Variants in RSRC2 observed in about 807,000 individuals in gnomAD.
RSRC2 encodes the protein arginine and serine rich coiled-coil 2, also known as arginine/serine-rich coiled-coil protein 2.
A neutral mutation model predicts 61.3 loss-of-function variants in RSRC2; 5 were observed. The observed-to-expected ratio is 0.08, with a 90% confidence interval of 0.04 to 0.17. The LOEUF (loss-of-function observed/expected upper bound fraction) is 0.17, where lower values mean the gene tolerates loss of function less well. RSRC2 is among the 10% of genes least tolerant of loss of function. The pLI is 1.00. For synonymous variants in RSRC2, 202 were observed against 166.5 expected (o/e 1.21, Z -1.64); for missense variants, 381 against 518.8 (o/e 0.73, Z 2.58).
chr12:122,507,195 A>C, intron 8 of RSRC2: 2 of 411,272 alleles, frequency 4.9e-6, no homozygotes, highest in Non-Finnish European at 8.9e-6. Flanking sequence ...CTGGATGACT[A>C]GGTGAAACCC....
Position 122,505,478 on chromosome 12 carries a change from A to G in RSRC2, c.*49T>C, listed in dbSNP as rs762849688. The stretch of plus-strand genomic sequence containing the variant: ...GCTGTTTGGTGAACAAGGACGTGAC[A>G]TCAGAACAAGAAGTCTATAAGTCCC... On this transcript the variant is annotated 3_prime_UTR_variant, in exon 10 of 10. Transcript: ENST00000331738. 1.9e-6 allele frequency: 3 copies of G among 1,555,018 alleles called. No individual in the cohort carries two copies. Among genetic ancestry groups the G allele is most frequent in the Non-Finnish European group, 1.8e-6 (2 of 1,134,504 alleles).
At chr12:122,506,051 G>T (rs1177949719) in intron 9 of RSRC2, among the ~76,000 whole-genome samples, 1 of 151,654 alleles carries the variant, frequency 6.6e-6, no homozygotes, top group South Asian at 2.1e-4. Context: ...GCCTCCCGAA[G>T]TGTTGGGATT....
intron 1 of RSRC2, among the ~76,000 whole-genome samples, chr12:122,525,340 C>T (rs2137571162): frequency 6.6e-6 from 1 of 152,224 alleles, no homozygotes; most frequent in South Asian, 2.1e-4. Context: ...CGCGCCATCG[C>T]ACTCCAGCCT....
At chr12:122,526,161 AGACTT>A (rs974946806) in intron 1 of RSRC2, 8 of 152,214 alleles carry the variant, frequency 5.3e-5, no homozygotes, top group African/African-American at 1.9e-4. Context: ...GTCAGTGACA[AGACTT>A]AACTGTAACG....
intron 7 of RSRC2, among the ~76,000 whole-genome samples, chr12:122,510,022 A>AT (rs1042141924): frequency 2.6e-5 from 4 of 152,098 alleles, no homozygotes; most frequent in African/African-American, 9.7e-5. Context: ...GGGTTTTGCC[A>AT]TGTTGGCCAG....
At chr12:122,517,645 T>C (rs1959039132) in intron 4 of RSRC2, among the ~76,000 whole-genome samples, 1 of 152,144 alleles carries the variant, frequency 6.6e-6, no homozygotes, top group Admixed American at 6.6e-5. Context: ...AGTAAACCTA[T>C]TAACATGTCA....
chr12:122,510,605 A>G (rs1288656979), intron 7 of RSRC2, among the ~76,000 whole-genome samples: 1 of 152,252 alleles, frequency 6.6e-6, no homozygotes, highest in Non-Finnish European at 1.5e-5. Flanking sequence ...AACAAAAATT[A>G]TCCACATGGA....
At chr12:122,519,288 T>C (rs1959150497) in intron 3 of RSRC2, 1 of 399,364 alleles carries the variant, frequency 2.5e-6, no homozygotes, top group East Asian at 4.8e-5. Flanking sequence ...GTTGAAATAT[T>C]GAAAAGCCAT....
chr12:122,526,892 G>A lies in RSRC2; in HGVS notation c.-39C>T. The A allele has an allele frequency of 1.9e-6, 3 of 1,613,734 alleles. No individual in the cohort carries two copies. Among genetic ancestry groups the A allele is most frequent in the Non-Finnish European group, 2.5e-6 (3 of 1,179,628 alleles). ...GGCCGCTAGAGCGGCGCCTCCACTT[G>A]TCGCTTTCAACAGTACCGGCCGCTC... On this transcript the variant is annotated 5_prime_UTR_variant, in exon 1 of 10. Transcript: ENST00000331738.
At chr12:122,510,580 C>G (rs995626834) in intron 7 of RSRC2, among the ~76,000 whole-genome samples, 12 of 152,164 alleles carry the variant, frequency 7.9e-5, no homozygotes, top group Admixed American at 1.3e-4. Flanking sequence ...CAAACATACT[C>G]ATTACTAATT....
At chr12:122,518,678 G>A (rs1026213204) in intron 4 of RSRC2, among the ~76,000 whole-genome samples, 161 bp downstream of exon 4, 4 of 151,448 alleles carry the variant, frequency 2.6e-5, no homozygotes, top group Non-Finnish European at 4.4e-5. Context: ...TTTGCATGAT[G>A]AGAAAGCAAA....
chr12:122,513,021 G>A (rs1388540330), intron 6 of RSRC2, among the ~76,000 whole-genome samples: 1 of 151,612 alleles, frequency 6.6e-6, no homozygotes, highest in Non-Finnish European at 1.5e-5. Flanking sequence ...GGCAAAACCC[G>A]TCTCTATTAA....
intron 1 of RSRC2, among the ~76,000 whole-genome samples, chr12:122,524,570 G>GAAACC (rs1959773687): frequency 1.3e-5 from 2 of 152,150 alleles, no homozygotes; most frequent in Admixed American, 6.5e-5. Context: ...GGACAACAGA[G>GAAACC]AAACCTCCCT....
chr12:122,520,923 C>A, intron 3 of RSRC2: 1 of 234,542 alleles, frequency 4.3e-6, no homozygotes, highest in Non-Finnish European at 8.6e-6. Context: ...TTTCAAAATT[C>A]AATACTACTA....
chr12:122,523,055 AC>A (rs1959462065), intron 1 of RSRC2: 2 of 152,158 alleles, frequency 1.3e-5, no homozygotes, highest in Non-Finnish European at 2.9e-5. Context: ...TAATTGATAC[AC>A]CTGGGGAATT....
rs572406511 is a variant in RSRC2, at chr12:122,511,699, A to T, written c.726-511T>A. Among the ~76,000 whole-genome samples the T allele has an allele frequency of 1.1e-4, 16 of 152,366 alleles. No homozygotes were observed. In the South Asian group the frequency reaches 3.1e-3, roughly 30 times the overall value. On this transcript the variant is annotated intron_variant, in intron 6 of 9. Transcript: ENST00000331738. The stretch of plus-strand genomic sequence containing the variant: ...CAAACCTTGCCATTCTCTGTAATCT[A>T]ATAAAATGGGAGGAAAACTTTTCTC...
At chr12:122,522,330 C>T in intron 1 of RSRC2, 31 bp from the exon 2 acceptor site, 1 of 1,549,760 alleles carries the variant, frequency 6.5e-7, no homozygotes. Flanking sequence ...GATTAAAGTT[C>T]TTAATTACAT....
chr12:122,512,888 G>C (rs1958631398), intron 6 of RSRC2, among the ~76,000 whole-genome samples: 1 of 152,132 alleles, frequency 6.6e-6, no homozygotes, highest in South Asian at 2.1e-4. Flanking sequence ...TAAATTAGCA[G>C]TAACAATAAA....
chr12:122,521,869 C>T (rs1959242123), intron 2 of RSRC2, among the ~76,000 whole-genome samples: 3 of 152,302 alleles, frequency 2.0e-5, no homozygotes, highest in South Asian at 2.1e-4. Flanking sequence ...GGCGTGGTGG[C>T]GCACGCCTAT....
Sources: allele counts gnomAD v4.1 joint callset (sites outside exome capture counted in the v4.1 genomes callset), GRCh38; gene constraint gnomAD v4.1.1; transcripts MANE v1.5; gene names NCBI Gene and HGNC (gene_info 2026-07-23, HGNC 2026-07-21).